Variants in NOTCH4 observed in about 807,000 individuals in gnomAD.
The protein encoded by NOTCH4 is neurogenic locus notch homolog protein 4.
In NOTCH4, 138 loss-of-function variants were observed where a neutral mutation model predicts 189.0. The observed-to-expected ratio is 0.73, with a 90% confidence interval of 0.64 to 0.84. The LOEUF (loss-of-function observed/expected upper bound fraction) is 0.84. NOTCH4 is among the 40% of genes least tolerant of loss of function. The pLI is 0.00. For missense variants in NOTCH4, 2,286 were observed against 2,605.4 expected (o/e 0.88, Z 2.67); for synonymous variants, 942 against 1,032.8 (o/e 0.91, Z 1.69).
chr6:32,213,922 C>T, intron 13 of NOTCH4, 82 bp from the exon 14 acceptor site: 1 of 1,533,326 alleles, frequency 6.5e-7, no homozygotes, highest in Non-Finnish European at 8.9e-7. Flanking sequence ...TCCTTCCCTT[C>T]CTCATCCCCA....
Position 32,201,307 on chromosome 6 carries a change from G to A in NOTCH4, c.3949C>T (p.Arg1317Trp), listed in dbSNP as rs775564540. ...ALDQQLFALA[R>W]VLSLTLRVGL... ...ACCCTCAGAGTCAGGGACAGCACCC[G>A]GGCCAGGGCAAACAGCTGCTGGTCT... Residue 1317 changes from arginine to tryptophan, a missense_variant, in exon 22 of 30, where the codon CGG becomes TGG. Physicochemically the swap from Arg to Trp is moderately radical, Grantham distance 101. Transcript: ENST00000375023. This position sits in a 1 kb window ranked among gnomAD's most constrained non-coding sequence, Gnocchi z 5.5. The A allele has an allele frequency of 3.0e-5, 48 of 1,612,752 alleles. No individual in the cohort carries two copies. The highest frequency in any genetic ancestry group is 2.7e-4 in the South Asian group (25 of 91,080).
At chr6:32,219,222 A>T (rs1033912745) in intron 8 of NOTCH4, among the ~76,000 whole-genome samples, 1 of 152,168 alleles carries the variant, frequency 6.6e-6, no homozygotes, top group Non-Finnish European at 1.5e-5. Context: ...GAGTTTCTAT[A>T]ATCAGAGGGA....
Position 32,199,216 on chromosome 6 carries a change from G to T in NOTCH4, c.4316-71C>A. The stretch of plus-strand genomic sequence containing the variant: ...ACTGATTACTATTGGGAGACCTTTG[G>T]ACAAGTTTAGTAGCCGGTCTTTGCC... On this transcript the variant is annotated intron_variant, in intron 23 of 29. Transcript: ENST00000375023. The surrounding 1 kb of genome is among the most constrained non-coding windows in gnomAD (Gnocchi z 4.9). 8.4e-7 allele frequency: 1 copy of T among 1,196,186 alleles called. No individual in the cohort carries two copies. The highest frequency in any genetic ancestry group is 1.2e-6 in the Non-Finnish European group (1 of 868,758). 74.1% of individuals were successfully genotyped at this position (1,196,186 alleles called of 1,614,324 possible).
intron 18 of NOTCH4, among the ~76,000 whole-genome samples, chr6:32,207,561 T>C (rs1463284585): frequency 6.7e-6 from 1 of 149,744 alleles, no homozygotes; most frequent in Non-Finnish European, 1.5e-5. Context: ...GAGGTGGAGG[T>C]TGCAGTGAGC....
At chr6:32,220,374 TC>T (rs1204478520) in intron 6 of NOTCH4, 30 bp downstream of exon 6, 4 of 1,612,462 alleles carry the variant, frequency 2.5e-6, no homozygotes, top group Non-Finnish European at 3.4e-6. Flanking sequence ...CTTCTCTACC[TC>T]CCACCTCCTG....
chr6:32,216,289 G>T (rs3131291), intron 11 of NOTCH4: 60,045 of 153,126 alleles, frequency 0.39, 12,352 homozygotes, highest in Middle Eastern at 0.5. Flanking sequence ...GCCTCCCAAA[G>T]TGTAATTTTT....
Position 32,221,010 on chromosome 6 carries a change from T to G in NOTCH4, c.767A>C (p.Asp256Ala). 6.2e-7 allele frequency: 1 copy of G among 1,604,502 alleles called. No homozygotes were observed. The highest frequency in any genetic ancestry group is 8.5e-7 in the Non-Finnish European group (1 of 1,174,364). Residue 256 changes from aspartate to alanine, a missense_variant, in exon 4 of 30, where the codon GAC becomes GCC. Asp to Ala is a moderately radical substitution (Grantham distance 126, BLOSUM62 -2). Transcript: ENST00000375023. The surrounding 1 kb of genome is among the most constrained non-coding windows in gnomAD (Gnocchi z 4.3). ...ACAGAGGCAGAGGTGAAAGGTGGAG[T>G]CTTTCTCTGGCATCAGCTGGCAGGT... ...GGTCQLMPEK[D>A]STFHLCLCPP...
chr6:32,204,446 A>G (rs1788553071), intron 18 of NOTCH4, 57 bp from the exon 19 acceptor site: 1 of 1,582,506 alleles, frequency 6.3e-7, no homozygotes, highest in African/African-American at 1.3e-5. Flanking sequence ...CCAGCACTAC[A>G]AGGGACCCAG....
Position 32,195,784 on chromosome 6 carries a change from G to T in NOTCH4, c.5665C>A (p.Arg1889=). Residue 1889 remains arginine, a synonymous_variant, in exon 30 of 30, where the codon CGG becomes AGG. Transcript: ENST00000375023. This position sits in a 1 kb window ranked among gnomAD's most constrained non-coding sequence, Gnocchi z 5.4. ...ARTWSVDLAA[R]GGGAYSHCRS... Reference sequence around the variant, plus strand: ...CAATGAGAATAGGCCCCGCCCCCCCGCGCAGCCAAGTCTACGGACCAAGTC... The same window carrying T: ...CAATGAGAATAGGCCCCGCCCCCCCTCGCAGCCAAGTCTACGGACCAAGTC... 1 of 1,606,326 alleles carries T rather than the reference G, an allele frequency of 6.2e-7. No homozygotes were observed. The highest frequency in any genetic ancestry group is 8.5e-7 in the Non-Finnish European group (1 of 1,179,326).
Position 32,196,083 on chromosome 6 carries a change from A to G in NOTCH4, c.5366T>C (p.Leu1789Pro). 47 of 1,593,130 alleles carry G rather than the reference A, an allele frequency of 3.0e-5. No individual in the cohort carries two copies. The highest frequency in any genetic ancestry group is 4.0e-5 in the Non-Finnish European group (47 of 1,176,894). ...GTCCCGCAGCTCTCGGGCTGCCCCC[A>G]GCCCCAGCAGTAGCTGGGCTACTTC... ...AVEVAQLLLGLGAARELRDQA... is the reference protein window; with the variant it reads ...AVEVAQLLLGPGAARELRDQA... Residue 1789 changes from leucine (L) to proline (P), a missense_variant, in exon 30 of 30, where the codon CTG (leucine) becomes CCG (proline). Around this residue, in one of 2 missense-constraint regions of NOTCH4, gnomAD observed 383 missense variants for 343.5 expected, o/e 1.11. Transcript: ENST00000375023.
chr6:32,198,682 G>T lies in NOTCH4; in HGVS notation c.4584C>A (p.Cys1528Ter). The change falls in exon 25 of 30, where the codon TGC becomes TGA. Residue 1528 changes from cysteine to a stop codon, truncating the protein, a stop_gained. Transcript: ENST00000375023. LOFTEE classifies it high-confidence loss of function. The surrounding 1 kb of genome is among the most constrained non-coding windows in gnomAD (Gnocchi z 5.5). ...CCTCCTCTCCCTCCTCAGGGCCTGA[G>T]CACATCACAACTCCATCCTCATCAA... ...AEVDEDGVVMCSGPEEGEEVG... is the reference protein window; with the variant it reads ...AEVDEDGVVM The T allele has an allele frequency of 6.2e-7, 1 of 1,612,716 alleles. No individual in the cohort carries two copies. The highest frequency in any genetic ancestry group is 8.5e-7 in the Non-Finnish European group (1 of 1,179,880).
chr6:32,213,472 C>T (rs1789164699), intron 14 of NOTCH4, among the ~76,000 whole-genome samples: 1 of 152,178 alleles, frequency 6.6e-6, no homozygotes, highest in Admixed American at 6.5e-5. Context: ...CAGTCTTAAC[C>T]TTCTGGGCTC....
chr6:32,202,690 G>A lies in NOTCH4; in HGVS notation c.3232-91C>T, dbSNP rs1197237781. ...AACTCTTGGGTTAAGACGGTGCAGAGGGTCCTAGATTCTCATATCTAAAAG... is the reference window on the plus strand; with the variant it reads ...AACTCTTGGGTTAAGACGGTGCAGAAGGTCCTAGATTCTCATATCTAAAAG... On this transcript the variant is annotated intron_variant, in intron 20 of 29. Coordinates refer to ENST00000375023, the MANE Select transcript of NOTCH4 (RefSeq NM_004557.4). The surrounding 1 kb of genome is among the most constrained non-coding windows in gnomAD (Gnocchi z 5.7). 8.1e-7 allele frequency: 1 copy of A among 1,235,526 alleles called. No homozygotes were observed. The highest frequency in any genetic ancestry group is 1.1e-6 in the Non-Finnish European group (1 of 910,544). 76.5% of individuals were successfully genotyped at this position (1,235,526 alleles called of 1,614,324 possible).
rs1179648729 is a variant in NOTCH4 at position 32,197,515 on chromosome 6, A to T, written c.4836T>A (p.Cys1612Ter). ...CCAGCAGAGGTTCCCAGGGCTCAGG[A>T]CATCCCAACCATGCCCCTTGGAAGG... Reference protein sequence around the residue: ...SGTFQGAWLGCPEPWEPLLDG... With the variant: ...SGTFQGAWLG The change falls in exon 27 of 30, where the codon TGT becomes TGA. Residue 1612 changes from cysteine (C) to a stop codon, truncating the protein, a stop_gained. Coordinates refer to ENST00000375023, the MANE Select transcript of NOTCH4 (RefSeq NM_004557.4). LOFTEE classifies it high-confidence loss of function. 1 of 1,611,074 alleles carries T rather than the reference A, an allele frequency of 6.2e-7. No homozygotes were observed. The highest frequency in any genetic ancestry group is 8.5e-7 in the Non-Finnish European group (1 of 1,178,586).
chr6:32,203,944 C>A (rs571901307), intron 19 of NOTCH4, 62 bp from the exon 20 acceptor site: 1 of 1,485,222 alleles, frequency 6.7e-7, no homozygotes, highest in Non-Finnish European at 9.2e-7. Flanking sequence ...CATCCTAGCT[C>A]ATTCCTGGAT....
rs758015204 is a variant in NOTCH4 at position 32,201,327 on chromosome 6, TG to T, written c.3928del (p.Gln1310SerfsTer12). 1 of 1,612,560 alleles carries T rather than the reference TG, an allele frequency of 6.2e-7. No homozygotes were observed. On this transcript the variant is annotated frameshift_variant, in exon 22 of 30. Transcript: ENST00000375023. LOFTEE classifies it high-confidence loss of function. This position sits in a 1 kb window ranked among gnomAD's most constrained non-coding sequence, Gnocchi z 5.5. ...LVVLSPPALD[Q>X]QLFALARVLS... ...CACCCGGGCCAGGGCAAACAGCTGC[TG>T]GTCTAGGGCTGGGGGGCTCAGTACC...
At chr6:32,214,052 T>C in intron 13 of NOTCH4, 58 bp downstream of exon 13, 1 of 1,564,836 alleles carries the variant, frequency 6.4e-7, no homozygotes, top group South Asian at 1.1e-5. Flanking sequence ...TCGCCTGCCT[T>C]ACCCTTGACA....
At chr6:32,219,540 G>T in intron 8 of NOTCH4, 52 bp downstream of exon 8, 1 of 1,533,492 alleles carries the variant, frequency 6.5e-7, no homozygotes, top group African/African-American at 1.4e-5. Flanking sequence ...TTCCTAGTGG[G>T]TTCAGGACTA....
rs1788135677 is a variant in NOTCH4 at position 32,198,695 on chromosome 6, C to T, written c.4571G>A (p.Gly1524Glu). 2 of 1,612,650 alleles carry T rather than the reference C, an allele frequency of 1.2e-6. No homozygotes were observed. The highest frequency in any genetic ancestry group is 2.2e-5 in the East Asian group (1 of 44,886). Residue 1524 changes from glycine to glutamate, a missense_variant, in exon 25 of 30, where the codon GGA becomes GAA. Physicochemically the swap from Gly to Glu is moderately conservative, Grantham distance 98 (BLOSUM62 -2). Coordinates refer to ENST00000375023, the MANE Select transcript of NOTCH4 (RefSeq NM_004557.4). The surrounding 1 kb of genome is among the most constrained non-coding windows in gnomAD (Gnocchi z 5.5). Reference sequence around the variant, plus strand: ...CTCAGGGCCTGAGCACATCACAACTCCATCCTCATCAACTTCTGCCTTTGG... The same window carrying T: ...CTCAGGGCCTGAGCACATCACAACTTCATCCTCATCAACTTCTGCCTTTGG... ...LKPKAEVDEDGVVMCSGPEEG... is the reference protein window; with the variant it reads ...LKPKAEVDEDEVVMCSGPEEG...
Sources: gnomAD v4.1 joint callset for allele counts (sites outside exome capture counted in the v4.1 genomes callset) on GRCh38, gnomAD v4.1.1 for gene constraint, gnomAD v4.1.1 regional missense constraint, Gnocchi (gnomAD v3.1) non-coding constraint, MANE v1.5 for transcripts, NCBI Gene and HGNC (gene_info 2026-07-23, HGNC 2026-07-21) for gene names.